Variants in TLR3 observed in about 807,000 individuals in gnomAD.
TLR3 encodes the protein toll-like receptor 3.
In TLR3, 43 loss-of-function variants were observed where a neutral mutation model predicts 66.4. That is an observed-to-expected ratio of 0.65 (90% CI 0.51 to 0.83). The LOEUF (loss-of-function observed/expected upper bound fraction) is 0.83, where lower values mean the gene tolerates loss of function less well. TLR3 is among the 40% of genes least tolerant of loss of function. TLR3 has a pLI of 0.00. For synonymous variants in TLR3, 397 were observed against 397.2 expected, an observed-to-expected ratio of 1.00 and a Z score of 0.01; for missense variants, 982 against 1,044.6, an observed-to-expected ratio of 0.94 and a Z score of 0.83.
chr4:186,083,422 T>C lies in TLR3; in HGVS notation c.1736T>C (p.Val579Ala), dbSNP rs1276838488. The C allele has an allele frequency of 1.2e-6, 2 of 1,613,826 alleles. No homozygotes were observed. Among genetic ancestry groups the C allele is most frequent in the Non-Finnish European group, 1.7e-6 (2 of 1,179,810 alleles). ...LESNGFDEIPVEVFKDLFELK... is the reference protein window; with the variant it reads ...LESNGFDEIPAEVFKDLFELK... ...TCCAACGGCTTTGACGAGATCCCAG[T>C]TGAGGTCTTCAAGGATTTATTTGAA... Residue 579 changes from valine (V) to alanine (A), a missense_variant, in exon 4 of 5, where the codon GTT (valine) becomes GCT (alanine). Val to Ala is a moderately conservative substitution (Grantham distance 64). Transcript: ENST00000296795. The surrounding 1 kb of genome is among the most constrained non-coding windows in gnomAD (Gnocchi z 4.0).
Position 186,078,923 on chromosome 4 carries a change from G to A in TLR3, c.525G>A (p.Glu175=), listed in dbSNP as rs769296497. 1.8e-5 allele frequency: 29 copies of A among 1,614,000 alleles called. No homozygotes were observed. The highest frequency in any genetic ancestry group is 2.4e-5 in the Non-Finnish European group (28 of 1,179,984). Residue 175 remains glutamate, a synonymous_variant, in exon 3 of 5, where the codon GAG becomes GAA. Coordinates refer to ENST00000296795, the MANE Select transcript of TLR3 (RefSeq NM_003265.3). ...GTQVQLENLQ[E]LLLSNNKIQA... ...AGGTTCAGCTGGAAAATCTCCAAGA[G>A]CTTCTATTATCAAACAATAAAATTC...
Position 186,076,964 on chromosome 4 carries a change from T to G in TLR3, c.345T>G (p.Ser115=), listed in dbSNP as rs1264863329. The G allele has an allele frequency of 6.2e-7, 1 of 1,614,220 alleles. No homozygotes were observed. Among genetic ancestry groups the G allele is most frequent in the Non-Finnish European group, 8.5e-7 (1 of 1,180,034 alleles). ...AGCACAATGAGCTATCTCAACTTTC[T>G]GATAAAACCTTTGCCTTCTGCACGA... ...NLQHNELSQL[S]DKTFAFCTNL... The change falls in exon 2 of 5, where the codon TCT becomes TCG. Residue 115 remains serine, a synonymous_variant. Transcript: ENST00000296795.
chr4:186,077,167 C>A (rs75258616), intron 2 of TLR3, 107 bp downstream of exon 2: 1 of 1,189,630 alleles, frequency 8.4e-7, no homozygotes, highest in Non-Finnish European at 1.2e-6. Flanking sequence ...TTGATCTAAT[C>A]CAATTTGCCA....
At chr4:186,073,351 C>A (rs2099301830) in intron 1 of TLR3, among the ~76,000 whole-genome samples, 1 of 152,020 alleles carries the variant, frequency 6.6e-6, no homozygotes, top group Non-Finnish European at 1.5e-5. Flanking sequence ...GAAACCCTGT[C>A]TCTACTACAA....
rs1033711435 is a variant in TLR3, at chr4:186,087,731, T to C, written c.*2858T>C. On this transcript the variant is annotated 3_prime_UTR_variant, in exon 5 of 5. Transcript: ENST00000296795. ...CAATGTCTAATTGTTCAAATATACATCTAGGTTGTAAAGGAGACTCAACGG... is the reference window on the plus strand; with the variant it reads ...CAATGTCTAATTGTTCAAATATACACCTAGGTTGTAAAGGAGACTCAACGG... 3 of 152,126 alleles carry C rather than the reference T, an allele frequency of 2.0e-5. No homozygotes were observed. The highest frequency in any genetic ancestry group is 2.0e-4 in the Admixed American group (3 of 15,272). 9.4% of individuals were successfully genotyped at this position (152,126 alleles called of 1,614,324 possible).
Position 186,083,459 on chromosome 4 carries a change from C to A in TLR3, c.1773C>A (p.Ile591=). ...VFKDLFELKI[I]DLGLNNLNTL... Reference sequence around the variant, plus strand: ...AGGATTTATTTGAACTAAAGATCATCGATTTAGGATTGAATAATTTAAACA... The same window carrying A: ...AGGATTTATTTGAACTAAAGATCATAGATTTAGGATTGAATAATTTAAACA... The change falls in exon 4 of 5, where the codon ATC becomes ATA. Residue 591 remains isoleucine, a synonymous_variant. Transcript: ENST00000296795. The surrounding 1 kb of genome is among the most constrained non-coding windows in gnomAD (Gnocchi z 4.0). 1 of 1,610,994 alleles carries A rather than the reference C, an allele frequency of 6.2e-7. No individual in the cohort carries two copies. The highest frequency in any genetic ancestry group is 8.5e-7 in the Non-Finnish European group (1 of 1,178,130).
chr4:186,083,699 G>A lies in TLR3; in HGVS notation c.2013G>A (p.Leu671=). 2 of 1,603,258 alleles carry A rather than the reference G, an allele frequency of 1.2e-6. No homozygotes were observed. Among genetic ancestry groups the A allele is most frequent in the Non-Finnish European group, 1.7e-6 (2 of 1,174,508 alleles). Residue 671 remains leucine, a synonymous_variant, in exon 4 of 5, where the codon CTG becomes CTA. Coordinates refer to ENST00000296795, the MANE Select transcript of TLR3 (RefSeq NM_003265.3). The surrounding 1 kb of genome is among the most constrained non-coding windows in gnomAD (Gnocchi z 4.0). ...INETHTNIPE[L]SSHYLCNTPP... is the part of the protein sequence containing the mutation. The stretch of plus-strand genomic sequence containing the variant: ...AGACCCATACCAACATCCCTGAGCT[G>A]TCAAGCCACTACCTTTGCAACACTC...
At position 186,083,913 on chromosome 4, in the gene TLR3, G is replaced by A. The variant is rs754289571; in HGVS notation, c.2227G>A (p.Gly743Ser). Residue 743 changes from glycine (G) to serine (S), a missense_variant, in exon 4 of 5, where the codon GGT (glycine) becomes AGT (serine). By Grantham distance (56) the Gly-to-Ser change is moderately conservative. Coordinates refer to ENST00000296795, the MANE Select transcript of TLR3 (RefSeq NM_003265.3). This position sits in a 1 kb window ranked among gnomAD's most constrained non-coding sequence, Gnocchi z 4.0. ...GAATGTTTCAGTACATCGAGTTCTT[G>A]GTTTCAAAGAAATAGACAGACAGAC... ...YWNVSVHRVL[G>S]FKEIDRQTEQ... The A allele has an allele frequency of 5.0e-6, 8 of 1,614,010 alleles. No homozygotes were observed. In the South Asian group the frequency reaches 8.8e-5, roughly 18 times the overall value.
chr4:186,082,381 A>C lies in TLR3; in HGVS notation c.695A>C (p.Gln232Pro), dbSNP rs748491897. 1 of 1,613,930 alleles carries C rather than the reference A, an allele frequency of 6.2e-7. No homozygotes were observed. Among genetic ancestry groups the C allele is most frequent in the African/African-American group, 1.3e-5 (1 of 74,868 alleles). The change falls in exon 4 of 5, where the codon CAG becomes CCG. Residue 232 changes from glutamine to proline, a missense_variant. Transcript: ENST00000296795. ...TTTGGCCTCTTTCTGAACAATGTCCAGCTGGGTCCCAGCCTTACAGAGAAG... is the reference window on the plus strand; with the variant it reads ...TTTGGCCTCTTTCTGAACAATGTCCCGCTGGGTCCCAGCCTTACAGAGAAG... ...RLFGLFLNNV[Q>P]LGPSLTEKLC...
At chr4:186,074,014 C>T (rs992644559) in intron 1 of TLR3, among the ~76,000 whole-genome samples, 1 of 152,108 alleles carries the variant, frequency 6.6e-6, no homozygotes, top group Non-Finnish European at 1.5e-5. Flanking sequence ...AATTAGCTAT[C>T]ACTATATGTT....
intron 1 of TLR3, among the ~76,000 whole-genome samples, chr4:186,070,267 G>A (rs543800141): frequency 5.9e-5 from 9 of 152,126 alleles, no homozygotes; most frequent in South Asian, 4.2e-4. Context: ...CATACAGATC[G>A]TATGGCTATA....
rs1561372201 is a variant in TLR3, at chr4:186,082,930, C to T, written c.1244C>T (p.Thr415Ile). ...TCTCCCTTACACATACTCAACCTAACCAAGAATAAAATCTCAAAAATAGAG... is the reference window on the plus strand; with the variant it reads ...TCTCCCTTACACATACTCAACCTAATCAAGAATAAAATCTCAAAAATAGAG... ...AHSPLHILNL[T>I]KNKISKIESD... The change falls in exon 4 of 5, where the codon ACC becomes ATC. Residue 415 changes from threonine to isoleucine, a missense_variant. Around this residue, in one of 3 missense-constraint regions of TLR3, gnomAD observed 666 missense variants for 709.0 expected, o/e 0.94. Coordinates refer to ENST00000296795, the MANE Select transcript of TLR3 (RefSeq NM_003265.3). The T allele has an allele frequency of 6.2e-7, 1 of 1,614,166 alleles. No homozygotes were observed. Among genetic ancestry groups the T allele is most frequent in the African/African-American group, 1.3e-5 (1 of 75,026 alleles).
chr4:186,086,789 G>A lies in TLR3; in HGVS notation c.*1916G>A, dbSNP rs936716703. On this transcript the variant is annotated 3_prime_UTR_variant, in exon 5 of 5. Transcript: ENST00000296795. ...ATATAATATCTATATTTAATATATT[G>A]ATATGTTACTGGTGGAGAGTGTCCA... The A allele has an allele frequency of 2.6e-5, 4 of 151,790 alleles. No homozygotes were observed. The highest frequency in any genetic ancestry group is 9.7e-5 in the African/African-American group (4 of 41,328). The allele number at this position is 151,790 out of a possible 1,614,324, so 9.4% of individuals were successfully genotyped here.
chr4:186,085,863 T>G lies in TLR3; in HGVS notation c.*990T>G, dbSNP rs942115353. 2 of 152,224 alleles carry G rather than the reference T, an allele frequency of 1.3e-5. No individual in the cohort carries two copies. Among genetic ancestry groups the G allele is most frequent in the Admixed American group, 1.3e-4 (2 of 15,286 alleles). 9.4% of individuals were successfully genotyped at this position (152,224 alleles called of 1,614,324 possible). The stretch of plus-strand genomic sequence containing the variant: ...TTATTTTTGTTTTTTTGTTTGTTTG[T>G]TTTTTATTTGTTTGTTTTTGAGACA... On this transcript the variant is annotated 3_prime_UTR_variant, in exon 5 of 5. Transcript: ENST00000296795.
chr4:186,082,128 G>T, intron 3 of TLR3, 192 bp from the exon 4 acceptor site: 1 of 597,368 alleles, frequency 1.7e-6, no homozygotes, highest in Non-Finnish European at 2.9e-6. Context: ...GGGAGGCTGA[G>T]GCAGGAGAAT....
At chr4:186,072,828 A>G (rs935517749) in intron 1 of TLR3, among the ~76,000 whole-genome samples, 2 of 152,196 alleles carry the variant, frequency 1.3e-5, no homozygotes, top group African/African-American at 2.4e-5. Flanking sequence ...TTCAACATAT[A>G]TTTATTTCTT....
chr4:186,079,223 G>A (rs1036558071), intron 3 of TLR3, among the ~76,000 whole-genome samples, 192 bp downstream of exon 3: 1 of 152,116 alleles, frequency 6.6e-6, no homozygotes, highest in Non-Finnish European at 1.5e-5. Flanking sequence ...CGGGAGACGG[G>A]ACTCTGCCGC....
intron 1 of TLR3, among the ~76,000 whole-genome samples, chr4:186,070,756 T>C (rs1045813867): frequency 6.6e-6 from 1 of 152,122 alleles, no homozygotes; most frequent in South Asian, 2.1e-4. Context: ...CAGGCTGGAG[T>C]GCAGTGGTGT....
chr4:186,076,859 G>A lies in TLR3; in HGVS notation c.240G>A (p.Leu80=). 6.2e-7 allele frequency: 1 copy of A among 1,614,146 alleles called. No homozygotes were observed. The highest frequency in any genetic ancestry group is 8.5e-7 in the Non-Finnish European group (1 of 1,180,040). ...NFTRYSQLTS[L]DVGFNTISKL... is the part of the protein sequence containing the mutation. ...CAAGGTATAGCCAGCTAACTAGCTT[G>A]GATGTAGGATTTAACACCATCTCAA... Residue 80 remains leucine (L), a synonymous_variant, in exon 2 of 5, where the codon TTG becomes TTA. Transcript: ENST00000296795.
Sources: gnomAD v4.1 joint callset for allele counts (sites outside exome capture counted in the v4.1 genomes callset) on GRCh38, gnomAD v4.1.1 for gene constraint, gnomAD v4.1.1 regional missense constraint, Gnocchi (gnomAD v3.1) non-coding constraint, MANE v1.5 for transcripts, NCBI Gene and HGNC (gene_info 2026-07-23, HGNC 2026-07-21) for gene names.